SLC2A12: variants seen among roughly 807,000 people sequenced by gnomAD.
SLC2A12 encodes solute carrier family 2 member 12.
A neutral mutation model predicts 41.8 loss-of-function variants in SLC2A12; 23 were observed. The ratio of observed to expected loss-of-function variants is 0.55; its 90% CI spans 0.40 to 0.78. The LOEUF (loss-of-function observed/expected upper bound fraction) is 0.78. Among genes scored for constraint, SLC2A12 ranks in the 30% least tolerant of loss-of-function variants. The pLI is 0.00. For synonymous variants in SLC2A12, 295 were observed against 285.9 expected, an observed-to-expected ratio of 1.03 and a Z score of -0.32; for missense variants, 654 against 745.6, an observed-to-expected ratio of 0.88 and a Z score of 1.43.
intron 1 of SLC2A12, among the ~76,000 whole-genome samples, chr6:134,051,777 G>C (rs1456321551): frequency 1.3e-5 from 2 of 152,172 alleles, no homozygotes; most frequent in African/African-American, 4.8e-5. Flanking sequence ...GCAGAACCCA[G>C]CAAAGCAAGC....
chr6:134,029,321 C>T lies in SLC2A12; in HGVS notation c.504G>A (p.Val168=). 6.2e-7 allele frequency: 1 copy of T among 1,614,190 alleles called. No individual in the cohort carries two copies. Among genetic ancestry groups the T allele is most frequent in the Non-Finnish European group, 8.5e-7 (1 of 1,180,040 alleles). ...TGACAATCATCAGCTCATTCAGTGACACAAGAAGGCCTCTTCTGTGTTGAG... is the reference window on the plus strand; with the variant it reads ...TGACAATCATCAGCTCATTCAGTGATACAAGAAGGCCTCTTCTGTGTTGAG... ...IAPQHRRGLL[V]SLNELMIVIG... The change falls in exon 2 of 5, where the codon GTG becomes GTA. Residue 168 remains valine (V), a synonymous_variant. Coordinates refer to ENST00000275230, the MANE Select transcript of SLC2A12 (RefSeq NM_145176.3).
intron 2 of SLC2A12, among the ~76,000 whole-genome samples, chr6:134,024,795 G>A (rs758816871): frequency 2.0e-5 from 3 of 152,196 alleles, no homozygotes; most frequent in Non-Finnish European, 4.4e-5. Flanking sequence ...GACTTCAGGT[G>A]TCTGACCCTG....
chr6:133,990,631 C>G lies in SLC2A12; in HGVS notation c.*524G>C, dbSNP rs1187986949. The G allele has an allele frequency of 6.6e-6, 1 of 152,170 alleles. No individual in the cohort carries two copies. The highest frequency in any genetic ancestry group is 2.4e-5 in the African/African-American group (1 of 41,400). The allele number at this position is 152,170 out of a possible 1,614,324, so 9.4% of individuals were successfully genotyped here. A position where few individuals can be genotyped will look rare whatever the true frequency, so the allele number is the denominator to read the frequency against. On this transcript the variant is annotated 3_prime_UTR_variant, in exon 5 of 5. Coordinates refer to ENST00000275230, the MANE Select transcript of SLC2A12 (RefSeq NM_145176.3). ...TGTAACTAGGAATTACCACTAAAAT[C>G]CTAGCCAGGACCCTCTCCTAATCTA... is the stretch of plus-strand genomic sequence containing the variant.
intron 2 of SLC2A12, among the ~76,000 whole-genome samples, chr6:134,017,751 C>T (rs187758855): frequency 6.6e-6 from 1 of 151,620 alleles, no homozygotes; most frequent in East Asian, 2.0e-4. Context: ...CTACTCGGGA[C>T]GCTGAGGCAG....
intron 2 of SLC2A12, among the ~76,000 whole-genome samples, chr6:134,007,839 G>A (rs1055869713): frequency 3.9e-5 from 6 of 152,170 alleles, no homozygotes; most frequent in Admixed American, 6.5e-5. Flanking sequence ...TATCAAAGAG[G>A]AAACTGAGGC....
chr6:134,024,209 T>C (rs757582893), intron 2 of SLC2A12, among the ~76,000 whole-genome samples: 5 of 152,228 alleles, frequency 3.3e-5, no homozygotes, highest in African/African-American at 7.2e-5. Flanking sequence ...TGGAGTGATG[T>C]GGCGAAAGAC....
At position 133,989,433 on chromosome 6, in the gene SLC2A12, C is replaced by T. The variant is rs779395769; in HGVS notation, c.*1722G>A. On this transcript the variant is annotated 3_prime_UTR_variant, in exon 5 of 5. Coordinates refer to ENST00000275230, the MANE Select transcript of SLC2A12 (RefSeq NM_145176.3). Reference sequence around the variant, plus strand: ...GCTAGGTTGATAAACAATTTCCTGCCCATTTATAATGAAGGGCTAAACAAA... The same window carrying T: ...GCTAGGTTGATAAACAATTTCCTGCTCATTTATAATGAAGGGCTAAACAAA... The T allele has an allele frequency of 6.6e-6, 1 of 152,016 alleles. No individual in the cohort carries two copies. Among genetic ancestry groups the T allele is most frequent in the Non-Finnish European group, 1.5e-5 (1 of 68,010 alleles). 9.4% of individuals were successfully genotyped at this position (152,016 alleles called of 1,614,324 possible). A position where few individuals can be genotyped will look rare whatever the true frequency, so the allele number is the denominator to read the frequency against.
chr6:134,031,652 G>T (rs1432138278), intron 1 of SLC2A12, among the ~76,000 whole-genome samples: 1 of 152,148 alleles, frequency 6.6e-6, no homozygotes, highest in Non-Finnish European at 1.5e-5. Context: ...GAATAGAACT[G>T]GTTGTGAGTG....
intron 2 of SLC2A12, among the ~76,000 whole-genome samples, chr6:134,025,970 C>T (rs953600241): frequency 6.6e-6 from 1 of 152,092 alleles, no homozygotes; most frequent in Non-Finnish European, 1.5e-5. Flanking sequence ...AAAATTACCC[C>T]AAAACTAAAG....
intron 4 of SLC2A12, among the ~76,000 whole-genome samples, chr6:133,994,757 A>G (rs1776666340): frequency 1.3e-5 from 2 of 152,126 alleles, no homozygotes; most frequent in Non-Finnish European, 2.9e-5. Flanking sequence ...ATTGACTGAG[A>G]TCAACTGGCT....
chr6:134,029,971 T>C (rs1777179567), intron 1 of SLC2A12, among the ~76,000 whole-genome samples: 1 of 152,206 alleles, frequency 6.6e-6, no homozygotes, highest in Admixed American at 6.5e-5. Context: ...TTTATGATGT[T>C]GATGTTTTTG....
chr6:134,001,071 G>C (rs184294770), intron 4 of SLC2A12, among the ~76,000 whole-genome samples: 55 of 151,956 alleles, frequency 3.6e-4, no homozygotes, highest in Middle Eastern at 3.4e-3. Context: ...AAACCTGTTG[G>C]GGGGAGCTAG....
chr6:134,035,264 A>G (rs1777280894), intron 1 of SLC2A12, among the ~76,000 whole-genome samples: 1 of 151,884 alleles, frequency 6.6e-6, no homozygotes. Context: ...GAAGCAAGTC[A>G]TGGAAAACAG....
chr6:133,994,289 G>A (rs1055011891), intron 4 of SLC2A12, among the ~76,000 whole-genome samples: 2 of 152,302 alleles, frequency 1.3e-5, no homozygotes, highest in Middle Eastern at 6.8e-3. Context: ...AACATCACAG[G>A]TTCAATTTAG....
intron 1 of SLC2A12, among the ~76,000 whole-genome samples, chr6:134,031,236 A>T (rs1270579787): frequency 6.6e-6 from 1 of 152,138 alleles, no homozygotes; most frequent in Non-Finnish European, 1.5e-5. Flanking sequence ...TATTAAAAGT[A>T]CAAAAATAGC....
chr6:134,018,648 C>T (rs1293533271), intron 2 of SLC2A12, among the ~76,000 whole-genome samples: 16 of 152,180 alleles, frequency 1.1e-4, no homozygotes, highest in Admixed American at 1.0e-3. Context: ...TAACCCTCCT[C>T]CAAGCATGCC....
chr6:134,024,961 A>G (rs1171210959), intron 2 of SLC2A12, among the ~76,000 whole-genome samples: 3 of 152,226 alleles, frequency 2.0e-5, no homozygotes, highest in Non-Finnish European at 4.4e-5. Context: ...TCAGTTATGA[A>G]AGTAAATGCA....
rs763325359 is a variant in SLC2A12 at position 134,028,348 on chromosome 6, C to A, written c.1444+33G>T. The A allele has an allele frequency of 3.8e-6, 6 of 1,560,394 alleles. No homozygotes were observed. The South Asian group carries it at 5.0e-5, about 13-fold the overall frequency. ...ATAGCAGTAGGATGCTCTGACTGGT[C>A]AAAAGCAATACATTAAAGAATAAAG... On this transcript the variant is annotated intron_variant, in intron 2 of 4. Transcript: ENST00000275230.
At chr6:134,038,613 G>A (rs2114497978) in intron 1 of SLC2A12, among the ~76,000 whole-genome samples, 2 of 149,954 alleles carry the variant, frequency 1.3e-5, no homozygotes, top group Admixed American at 1.3e-4. Context: ...ACCTGCTTCT[G>A]GCCTCCCAAA....
Sources: gnomAD v4.1 joint callset for allele counts (sites outside exome capture counted in the v4.1 genomes callset) on GRCh38, gnomAD v4.1.1 for gene constraint, MANE v1.5 for transcripts, NCBI Gene and HGNC (gene_info 2026-07-23, HGNC 2026-07-21) for gene names.